Variants in CTNNA3 observed in about 807,000 individuals in gnomAD.
CTNNA3 encodes the protein catenin alpha-3.
CTNNA3 carries 76 observed loss-of-function variants against 95.7 expected under a neutral mutation model. The observed-to-expected ratio is 0.79, with a 90% CI of 0.66 to 0.96. CTNNA3 has a LOEUF of 0.96. CTNNA3 is among the 40% of genes least tolerant of loss of function. CTNNA3 has a pLI of 0.00. For missense variants in CTNNA3, 1,191 were observed against 1,089.8 expected (o/e 1.09, Z -1.31); for synonymous variants, 431 against 374.4 (o/e 1.15, Z -1.74).
At chr10:66,367,211 A>G (rs183298325) in intron 12 of CTNNA3, among the ~76,000 whole-genome samples, 65 of 152,134 alleles carry the variant, frequency 4.3e-4, no homozygotes, top group African/African-American at 1.5e-3. Flanking sequence ...CAATCTACAC[A>G]CCCCTAAACA....
intron 5 of CTNNA3, among the ~76,000 whole-genome samples, chr10:67,441,602 A>C (rs1846519561): frequency 6.6e-6 from 1 of 152,164 alleles, no homozygotes. Flanking sequence ...GCTCCAATAC[A>C]TCTGGCAGCA....
chr10:66,364,544 T>A (rs1162348163), intron 12 of CTNNA3, among the ~76,000 whole-genome samples: 1 of 152,144 alleles, frequency 6.6e-6, no homozygotes, highest in African/African-American at 2.4e-5. Flanking sequence ...GGCCATTTTT[T>A]CTTTGGTTAT....
At position 67,720,129 on chromosome 10, in the gene CTNNA3, C is replaced by CTTTTTTTTTTTTTTTTTTTTTTTT. The variant is rs58074397; in HGVS notation, c.-2+43304_-2+43305insAAAAAAAAAAAAAAAAAAAAAAAA. On this transcript the variant is annotated intron_variant, in intron 1 of 17. Coordinates refer to the CTNNA3 transcript ENST00000684154. ...TCAGAGACTAGGATTGCAACCCCTG[C>CTTTTTTTTTTTTTTTTTTTTTTTT]TTTTTTTTTTTTTTTTTTTTTTTGC... 3.6e-3 allele frequency among the ~76,000 whole-genome samples: 24 copies of CTTTTTTTTTTTTTTTTTTTTTTTT among 6,612 alleles called. 6 individuals are homozygous for CTTTTTTTTTTTTTTTTTTTTTTTT. The highest frequency in any genetic ancestry group is 6.3e-3 in the South Asian group (1 of 160). 4.3% of individuals were successfully genotyped at this position (6,612 alleles called of 152,430 possible).
At chr10:66,173,130 AT>A (rs1474089833) in intron 13 of CTNNA3, among the ~76,000 whole-genome samples, 2 of 152,290 alleles carry the variant, frequency 1.3e-5, no homozygotes, top group East Asian at 3.9e-4. Context: ...GTACATCCTA[AT>A]CTATTAGAAG....
intron 7 of CTNNA3, among the ~76,000 whole-genome samples, chr10:67,094,823 G>A (rs1287816533): frequency 6.6e-6 from 1 of 151,640 alleles, no homozygotes. Context: ...ATGAGTAAAT[G>A]TACACACATG....
chr10:66,536,595 T>C (rs1704812159), intron 10 of CTNNA3, among the ~76,000 whole-genome samples: 2 of 151,126 alleles, frequency 1.3e-5, no homozygotes, highest in African/African-American at 4.9e-5. Context: ...TCATGGTCAA[T>C]AGGATCAAAT....
chr10:66,883,922 TA>T (rs869278501), intron 7 of CTNNA3, among the ~76,000 whole-genome samples: 5 of 152,274 alleles, frequency 3.3e-5, no homozygotes, highest in East Asian at 3.9e-4. Flanking sequence ...TTTATTTTTT[TA>T]AAAAAAGTTT....
chr10:67,254,870 A>T (rs1006248333), intron 5 of CTNNA3, among the ~76,000 whole-genome samples: 1 of 152,194 alleles, frequency 6.6e-6, no homozygotes, highest in Non-Finnish European at 1.5e-5. Flanking sequence ...TTTACAATGA[A>T]ATCGCCTAAT....
chr10:67,549,301 G>A, intron 3 of CTNNA3, among the ~76,000 whole-genome samples: 1 of 152,030 alleles, frequency 6.6e-6, no homozygotes, highest in East Asian at 1.9e-4. Flanking sequence ...TCTCCTTGGG[G>A]GGAATATCAA....
intron 1 of CTNNA3, among the ~76,000 whole-genome samples, chr10:67,726,946 A>G (rs1232481847): frequency 2.6e-5 from 3 of 114,100 alleles, no homozygotes; most frequent in Non-Finnish European, 4.9e-5. Context: ...TATCATATAT[A>G]TTATATATTA....
At chr10:66,984,841 A>G (rs1850637388) in intron 7 of CTNNA3, among the ~76,000 whole-genome samples, 1 of 152,182 alleles carries the variant, frequency 6.6e-6, no homozygotes, top group South Asian at 2.1e-4. Flanking sequence ...AGGTAAAGAC[A>G]TGCCCCACAA....
intron 13 of CTNNA3, among the ~76,000 whole-genome samples, chr10:66,135,847 AG>A (rs1325034259): frequency 2.6e-5 from 4 of 152,192 alleles, no homozygotes; most frequent in Non-Finnish European, 5.9e-5. Flanking sequence ...GCATATAAAA[AG>A]GGCAAAATGC....
chr10:66,630,327 T>C (rs962296026), intron 9 of CTNNA3, among the ~76,000 whole-genome samples: 2 of 152,162 alleles, frequency 1.3e-5, no homozygotes, highest in Non-Finnish European at 1.5e-5. Flanking sequence ...ATTTTCAATA[T>C]TCTACAAAGG....
At chr10:66,530,834 A>G (rs1841440940) in intron 10 of CTNNA3, among the ~76,000 whole-genome samples, 1 of 152,142 alleles carries the variant, frequency 6.6e-6, no homozygotes, top group South Asian at 2.1e-4. Flanking sequence ...AAACCAAGCT[A>G]TCCTATTCTA....
At chr10:66,196,414 GA>G (rs2086961010) in intron 13 of CTNNA3, among the ~76,000 whole-genome samples, 1 of 152,172 alleles carries the variant, frequency 6.6e-6, no homozygotes, top group East Asian at 1.9e-4. Context: ...ACAACTTCAG[GA>G]AAAGACCCAA....
At chr10:66,488,391 T>C (rs7079539) in intron 11 of CTNNA3, among the ~76,000 whole-genome samples, 4,528 of 152,266 alleles carry the variant, frequency 0.03, 101 homozygotes, top group South Asian at 0.054. Context: ...CCACTTATTT[T>C]ACCAGTGAGA....
intron 5 of CTNNA3, among the ~76,000 whole-genome samples, chr10:67,468,137 A>C (rs549318230): frequency 1.3e-5 from 2 of 151,926 alleles, no homozygotes; most frequent in East Asian, 3.9e-4. Flanking sequence ...CCAAGTATTC[A>C]GCCTAGTACC....
In CTNNA3 at chr10:67,391,730, G is replaced by C. The variant is rs867934979; in HGVS notation, c.579+130112C>G. On this transcript the variant is annotated intron_variant, in intron 5 of 17. Coordinates refer to ENST00000433211, the MANE Select transcript of CTNNA3 (RefSeq NM_013266.4). Reference sequence around the variant, plus strand: ...AGATATAGATCAATGGAACAGAACAGAGCCCTCAGAAATAACGCCGCATAT... The same window carrying C: ...AGATATAGATCAATGGAACAGAACACAGCCCTCAGAAATAACGCCGCATAT... 7.3e-3 allele frequency among the ~76,000 whole-genome samples: 1,093 copies of C among 149,012 alleles called. 6 individuals are homozygous for C. Among genetic ancestry groups the C allele is most frequent in the Non-Finnish European group, 0.012 (824 of 67,336 alleles).
At chr10:66,616,871 T>A (rs559262469) in intron 10 of CTNNA3, among the ~76,000 whole-genome samples, 55 of 152,120 alleles carry the variant, frequency 3.6e-4, no homozygotes, top group Middle Eastern at 3.4e-3. Flanking sequence ...CAGCTCAAAG[T>A]AATTATACTG....
Sources: allele counts gnomAD v4.1 joint callset (sites outside exome capture counted in the v4.1 genomes callset), GRCh38; gene constraint gnomAD v4.1.1; transcripts MANE v1.5; gene names NCBI Gene and HGNC (gene_info 2026-07-23, HGNC 2026-07-21).